Variants in CDH18 observed in about 807,000 individuals in gnomAD.
The protein encoded by CDH18 is cadherin-18.
In CDH18, 31 loss-of-function variants were observed where a neutral mutation model predicts 67.9. The ratio of observed to expected loss-of-function variants is 0.46; its 90% CI spans 0.34 to 0.62. The LOEUF is 0.62. CDH18 is among the 20% of genes least tolerant of loss of function. The pLI, the probability that CDH18 is intolerant of heterozygous loss-of-function variation, is 0.01. For missense variants in CDH18, 890 were observed against 975.5 expected (o/e 0.91, Z 1.17); for synonymous variants, 362 against 347.2 (o/e 1.04, Z -0.48).
At chr5:20,235,621 A>G (rs1742419504) in intron 2 of CDH18, among the ~76,000 whole-genome samples, 1 of 152,200 alleles carries the variant, frequency 6.6e-6, no homozygotes, top group Admixed American at 6.5e-5. Context: ...ACAATAAAAA[A>G]GGAACAGATG....
chr5:19,549,458 A>C (rs1289373667), intron 8 of CDH18, among the ~76,000 whole-genome samples: 1 of 152,178 alleles, frequency 6.6e-6, no homozygotes, highest in Admixed American at 6.6e-5. Flanking sequence ...ACCCAGCTTC[A>C]GGTATTTTTA....
intron 5 of CDH18, among the ~76,000 whole-genome samples, chr5:19,667,507 T>TATACACAC (rs375306723): frequency 7.7e-6 from 1 of 129,234 alleles, no homozygotes; most frequent in Admixed American, 7.8e-5. Flanking sequence ...TATATATATA[T>TATACACAC]ACACACACAC....
chr5:19,756,822 G>A (rs987538689), intron 3 of CDH18, among the ~76,000 whole-genome samples: 1 of 152,224 alleles, frequency 6.6e-6, no homozygotes, highest in Non-Finnish European at 1.5e-5. Flanking sequence ...TATTTTGCTA[G>A]TGGATCACTA....
At chr5:20,392,922 C>T (rs1744989215) in intron 1 of CDH18, among the ~76,000 whole-genome samples, 1 of 151,746 alleles carries the variant, frequency 6.6e-6, no homozygotes, top group African/African-American at 2.4e-5. Context: ...GAAACTGAAA[C>T]ATATACTCAC....
At chr5:19,629,127 G>A (rs1316295640) in intron 5 of CDH18, among the ~76,000 whole-genome samples, 1 of 152,124 alleles carries the variant, frequency 6.6e-6, no homozygotes, top group Non-Finnish European at 1.5e-5. Flanking sequence ...TGAAGAAAAT[G>A]TTACGTTAAG....
chr5:20,537,382 T>A (rs922952608), intron 1 of CDH18, among the ~76,000 whole-genome samples: 2 of 138,442 alleles, frequency 1.4e-5, no homozygotes, highest in Non-Finnish European at 3.2e-5. Flanking sequence ...AATGCTAACA[T>A]GTCTTTAAAA....
chr5:19,566,906 T>C (rs576888753), intron 8 of CDH18, among the ~76,000 whole-genome samples: 1 of 152,270 alleles, frequency 6.6e-6, no homozygotes, highest in East Asian at 1.9e-4. Flanking sequence ...AGCCATAAAA[T>C]AGAATAAGAT....
chr5:20,434,117 T>C (rs1748983077), intron 1 of CDH18, among the ~76,000 whole-genome samples: 1 of 152,110 alleles, frequency 6.6e-6, no homozygotes, highest in South Asian at 2.1e-4. Flanking sequence ...TTTAGTTCCC[T>C]GTTTGAAATA....
chr5:20,513,596 G>C (rs550506164), intron 1 of CDH18, among the ~76,000 whole-genome samples: 28 of 152,160 alleles, frequency 1.8e-4, no homozygotes, highest in African/African-American at 6.5e-4. Context: ...CTTACATGTA[G>C]GCAGAAATGT....
chr5:20,375,341 T>C lies in CDH18; in HGVS notation c.-579-119836A>G, dbSNP rs535721376. On this transcript the variant is annotated intron_variant, in intron 1 of 14. Coordinates refer to the CDH18 transcript ENST00000507958. ...GAGATTGTAAGAATTGATCATATGA[T>C]GTTTGGAAAGCAGAATTGGGATGAA... Among the ~76,000 whole-genome samples the C allele has an allele frequency of 7.9e-5, 12 of 152,332 alleles. No individual in the cohort carries two copies. In the East Asian group the frequency reaches 1.4e-3, roughly 17 times the overall value.
intron 2 of CDH18, among the ~76,000 whole-genome samples, chr5:20,132,230 C>T (rs1282403741): frequency 6.6e-6 from 1 of 152,136 alleles, no homozygotes; most frequent in Non-Finnish European, 1.5e-5. Context: ...TTTATCTAAA[C>T]TGCTGCTTCT....
chr5:19,506,329 C>T (rs537577489), intron 10 of CDH18, among the ~76,000 whole-genome samples: 2 of 152,242 alleles, frequency 1.3e-5, no homozygotes, highest in African/African-American at 4.8e-5. Flanking sequence ...AATGGCCATA[C>T]TGCCCAAGGT....
At position 20,250,676 on chromosome 5, in the gene CDH18, C is replaced by T. The variant is rs181222597; in HGVS notation, c.-518+4768G>A. On this transcript the variant is annotated intron_variant, in intron 2 of 14. Transcript: ENST00000507958. ...GGAGTGCAGTGGTGCCATCTTGCGG[C>T]TCACTGAAACCTCTGCCTCCTGGGT... Among the ~76,000 whole-genome samples the T allele has an allele frequency of 1.5e-4, 19 of 130,266 alleles. No individual in the cohort carries two copies. The Admixed American group carries it at 1.7e-3, about 12-fold the overall frequency. The allele number at this position is 130,266 out of a possible 152,430, so 85.5% of individuals were successfully genotyped here. A position where few individuals can be genotyped will look rare whatever the true frequency, so the allele number is the denominator to read the frequency against.
At chr5:19,777,540 G>A (rs1007600878) in intron 3 of CDH18, among the ~76,000 whole-genome samples, 1 of 152,208 alleles carries the variant, frequency 6.6e-6, no homozygotes, top group African/African-American at 2.4e-5. Flanking sequence ...CACTGTGCTT[G>A]TGAAGAATCA....
At chr5:19,530,804 GTACCATATTTTCT>G (rs1748477112) in intron 9 of CDH18, among the ~76,000 whole-genome samples, 1 of 152,196 alleles carries the variant, frequency 6.6e-6, no homozygotes, top group Non-Finnish European at 1.5e-5. Context: ...TGGTGTATAT[GTACCATATTTTCT>G]TAATCCAGTC....
At chr5:19,659,486 C>A (rs897844118) in intron 5 of CDH18, among the ~76,000 whole-genome samples, 3 of 152,058 alleles carry the variant, frequency 2.0e-5, no homozygotes, top group African/African-American at 7.2e-5. Flanking sequence ...AGTACCAATT[C>A]TAAATTTTTA....
At chr5:20,330,606 G>A (rs1290423177) in intron 1 of CDH18, among the ~76,000 whole-genome samples, 2 of 152,136 alleles carry the variant, frequency 1.3e-5, no homozygotes, top group Non-Finnish European at 2.9e-5. Flanking sequence ...TTGATTGGTA[G>A]GTAAAGAACA....
At chr5:20,464,951 T>C (rs1302629531) in intron 1 of CDH18, among the ~76,000 whole-genome samples, 2 of 152,100 alleles carry the variant, frequency 1.3e-5, no homozygotes, top group African/African-American at 4.8e-5. Context: ...AAAAAAAGTA[T>C]AATTAAGGTG....
intron 1 of CDH18, among the ~76,000 whole-genome samples, chr5:20,482,027 G>A (rs1168490778): frequency 1.3e-5 from 2 of 151,490 alleles, no homozygotes; most frequent in Non-Finnish European, 3.0e-5. Context: ...TTTTTGAAAA[G>A]ATAAAATCAA....
Sources: gnomAD v4.1 joint callset for allele counts (sites outside exome capture counted in the v4.1 genomes callset) on GRCh38, gnomAD v4.1.1 for gene constraint, MANE v1.5 for transcripts, NCBI Gene and HGNC (gene_info 2026-07-23, HGNC 2026-07-21) for gene names.